Variants in DDAH1 observed in about 807,000 individuals in gnomAD.
DDAH1 encodes N(G),N(G)-dimethylarginine dimethylaminohydrolase 1.
In DDAH1, 19 loss-of-function variants were observed where a neutral mutation model predicts 28.8. The observed-to-expected ratio is 0.66, with a 90% CI of 0.46 to 0.97. The LOEUF (loss-of-function observed/expected upper bound fraction) is 0.97, where lower values mean the gene tolerates loss of function less well. DDAH1 is among the 50% of genes least tolerant of loss of function. The pLI is 0.00. For missense variants in DDAH1, 326 were observed against 375.9 expected, an observed-to-expected ratio of 0.87 and a Z score of 1.10; for synonymous variants, 153 against 154.4, an observed-to-expected ratio of 0.99 and a Z score of 0.07.
chr1:85,343,227 C>G (rs1412411516), intron 4 of DDAH1, among the ~76,000 whole-genome samples: 1 of 152,194 alleles, frequency 6.6e-6, no homozygotes, highest in East Asian at 1.9e-4. Context: ...CTTTCTCCTA[C>G]TTGGCCAATT....
rs575525047 is a variant in DDAH1 at position 85,360,286 on chromosome 1, A to G, written c.304-1439T>C. Among the ~76,000 whole-genome samples, 9 of 152,368 alleles carry G rather than the reference A, an allele frequency of 5.9e-5. No individual in the cohort carries two copies. In the East Asian group the frequency reaches 1.5e-3, roughly 26 times the overall value. ...AACTCATGTAAAAATTCCACAAACCAGAGTGACTCAGAACAATAAAAAATA... is the reference window on the plus strand; with the variant it reads ...AACTCATGTAAAAATTCCACAAACCGGAGTGACTCAGAACAATAAAAAATA... On this transcript the variant is annotated intron_variant, in intron 1 of 5. Transcript: ENST00000284031.
At chr1:85,469,455 C>A (rs2100701233), upstream of DDAH1, among the ~76,000 whole-genome samples, 1 of 152,250 alleles carries the variant, frequency 6.6e-6, no homozygotes, top group East Asian at 1.9e-4. Flanking sequence ...AAATGCGGAG[C>A]AATGAACACG....
At chr1:85,570,364 TCACA>T (rs35259175) in intron 1 of DDAH1, among the ~76,000 whole-genome samples, 3,059 of 145,550 alleles carry the variant, frequency 0.021, 105 homozygotes, top group African/African-American at 0.073. Flanking sequence ...ACACACACTG[TCACA>T]CACACACACA....
chr1:85,479,120 G>A (rs1237575084), intron 2 of DDAH1, among the ~76,000 whole-genome samples: 1 of 142,710 alleles, frequency 7.0e-6, no homozygotes, highest in Non-Finnish European at 1.5e-5. Flanking sequence ...GCTTAAAGTA[G>A]TTAATAATCT....
intron 1 of DDAH1, among the ~76,000 whole-genome samples, chr1:85,402,041 A>AG (rs1652135617): frequency 1.3e-5 from 2 of 152,160 alleles, no homozygotes; most frequent in Admixed American, 1.3e-4. Flanking sequence ...GCTAGAGTGC[A>AG]GTGCTGCAAT....
chr1:85,369,981 C>G (rs181008805), intron 1 of DDAH1, among the ~76,000 whole-genome samples: 1 of 152,306 alleles, frequency 6.6e-6, no homozygotes, highest in African/African-American at 2.4e-5. Context: ...GTTCAAGGAA[C>G]AGGAAGACAG....
chr1:85,325,354 T>TGCGCGC (rs10666315), intron 4 of DDAH1, among the ~76,000 whole-genome samples: 4 of 151,150 alleles, frequency 2.6e-5, no homozygotes, highest in South Asian at 2.1e-4. Context: ...TGCACGTGCG[T>TGCGCGC]GCGCGCGCGC....
chr1:85,525,871 C>T lies in DDAH1; in HGVS notation c.-122-29590G>A, dbSNP rs545358239. ...CTGTGCAGAATAAACTAATTTTAGT[C>T]CTCTGCGGTATCCTTGTAAACACTT... is the stretch of plus-strand genomic sequence containing the variant. On this transcript the variant is annotated intron_variant, in intron 1 of 6. Coordinates refer to the DDAH1 transcript ENST00000426972. Among the ~76,000 whole-genome samples, 3 of 152,252 alleles carry T rather than the reference C, an allele frequency of 2.0e-5. No homozygotes were observed. The East Asian group carries it at 5.8e-4, about 29-fold the overall frequency.
intron 1 of DDAH1, among the ~76,000 whole-genome samples, chr1:85,451,152 T>C (rs1654656287): frequency 6.6e-6 from 1 of 152,096 alleles, no homozygotes; most frequent in Non-Finnish European, 1.5e-5. Context: ...GGAGTCAGCA[T>C]AGGGGTCCAA....
intron 2 of DDAH1, among the ~76,000 whole-genome samples, chr1:85,473,667 A>G (rs7538364): frequency 0.51 from 78,170 of 151,932 alleles, 20,152 homozygotes; most frequent in African/African-American, 0.57. Context: ...TGGTATACAC[A>G]TGTCCAAAGA....
Position 85,351,501 on chromosome 1 carries a change from C to T in DDAH1, c.477+5G>A, listed in dbSNP as rs1266215860. 1 of 1,613,206 alleles carries T rather than the reference C, an allele frequency of 6.2e-7. No individual in the cohort carries two copies. Among genetic ancestry groups the T allele is most frequent in the South Asian group, 1.1e-5 (1 of 91,040 alleles). The stretch of plus-strand genomic sequence containing the variant: ...TGTGCCAGGCATAAACTACCTTTTA[C>T]CTACCTTAAAAGTATCAGCCAAGAT... On this transcript the variant is annotated splice_donor_5th_base_variant and intron_variant, in intron 3 of 5. Coordinates refer to ENST00000284031, the MANE Select transcript of DDAH1 (RefSeq NM_012137.4).
intron 1 of DDAH1, among the ~76,000 whole-genome samples, chr1:85,560,157 A>T (rs948509495): frequency 3.3e-5 from 5 of 152,174 alleles, no homozygotes; most frequent in African/African-American, 1.2e-4. Context: ...ATGGAACAAC[A>T]TCTTTAACAT....
At chr1:85,371,239 C>T (rs1165837990) in intron 1 of DDAH1, among the ~76,000 whole-genome samples, 5 of 152,170 alleles carry the variant, frequency 3.3e-5, no homozygotes, top group African/African-American at 1.2e-4. Flanking sequence ...AATGAACTTT[C>T]CAGAGGTAAC....
chr1:85,523,933 G>T (rs1315564149), intron 1 of DDAH1, among the ~76,000 whole-genome samples: 8 of 152,082 alleles, frequency 5.3e-5, no homozygotes, highest in Non-Finnish European at 1.2e-4. Context: ...GTTAGCAATC[G>T]AATTTTTTGC....
At chr1:85,327,685 C>T (rs1227886788) in intron 4 of DDAH1, among the ~76,000 whole-genome samples, 9 of 152,150 alleles carry the variant, frequency 5.9e-5, no homozygotes, top group Non-Finnish European at 1.2e-4. Context: ...GGGAAAGTCA[C>T]ATATGCCCTG....
intron 1 of DDAH1, among the ~76,000 whole-genome samples, chr1:85,518,165 C>A (rs2795969): frequency 6.6e-6 from 1 of 152,204 alleles, no homozygotes; most frequent in Non-Finnish European, 1.5e-5. Flanking sequence ...TATATGCACC[C>A]TGGAATCAGA....
At chr1:85,360,426 TAAG>T (rs1428133411) in intron 1 of DDAH1, among the ~76,000 whole-genome samples, 1 of 152,160 alleles carries the variant, frequency 6.6e-6, no homozygotes, top group East Asian at 1.9e-4. Flanking sequence ...CAGCATAAAA[TAAG>T]GAGCAAACAC....
intron 1 of DDAH1, among the ~76,000 whole-genome samples, chr1:85,548,372 AT>A (rs1382648738): frequency 6.6e-6 from 1 of 152,224 alleles, no homozygotes; most frequent in East Asian, 1.9e-4. Context: ...ACTGGTATAA[AT>A]AATGGAGCTG....
intron 2 of DDAH1, among the ~76,000 whole-genome samples, chr1:85,353,085 A>T (rs1649305917): frequency 6.6e-6 from 1 of 152,172 alleles, no homozygotes; most frequent in African/African-American, 2.4e-5. Context: ...AAAGATACCT[A>T]TGTACAAAGT....
Sources: gnomAD v4.1 joint callset for allele counts (sites outside exome capture counted in the v4.1 genomes callset) on GRCh38, gnomAD v4.1.1 for gene constraint, MANE v1.5 for transcripts, NCBI Gene and HGNC (gene_info 2026-07-23, HGNC 2026-07-21) for gene names.